ENOX1: variants seen among roughly 807,000 people sequenced by gnomAD.
ENOX1 encodes the protein candidate growth-related and time keeping constitutive hydroquinone (NADH) oxidase.
ENOX1 carries 42 observed loss-of-function variants against 82.5 expected under a neutral mutation model. The ratio of observed to expected loss-of-function variants is 0.51; its 90% CI spans 0.40 to 0.66. The LOEUF (loss-of-function observed/expected upper bound fraction) is 0.66. Ranked by LOEUF, ENOX1 falls within the 30% of genes least tolerant of loss-of-function variation. The probability of loss-of-function intolerance (pLI) is 0.00; values close to 1 mark genes in which losing one functional copy is unlikely to be tolerated. For missense variants in ENOX1, 608 were observed against 811.6 expected, an observed-to-expected ratio of 0.75 and a Z score of 3.05; for synonymous variants, 271 against 282.2, an observed-to-expected ratio of 0.96 and a Z score of 0.40.
At chr13:43,355,161 C>T (rs2050067592) in intron 8 of ENOX1, among the ~76,000 whole-genome samples, 1 of 152,206 alleles carries the variant, frequency 6.6e-6, no homozygotes, top group African/African-American at 2.4e-5. Context: ...GCTCAGCTCA[C>T]ACAACTTTGG....
chr13:43,777,025 A>G (rs1951958090), intron 1 of ENOX1, among the ~76,000 whole-genome samples: 1 of 152,216 alleles, frequency 6.6e-6, no homozygotes, highest in African/African-American at 2.4e-5. Context: ...TGCTGGTGAA[A>G]GGAAGAGGAG....
intron 10 of ENOX1, among the ~76,000 whole-genome samples, chr13:43,322,985 T>C (rs981797268): frequency 4.6e-5 from 7 of 152,224 alleles, no homozygotes; most frequent in Admixed American, 2.0e-4. Context: ...TGGAATATTA[T>C]GATTAAAAAT....
intron 2 of ENOX1, among the ~76,000 whole-genome samples, chr13:43,551,563 A>G (rs2079195919): frequency 6.6e-6 from 1 of 152,266 alleles, no homozygotes; most frequent in South Asian, 2.1e-4. Flanking sequence ...CTTAAAAGGT[A>G]CATTATAATT....
chr13:43,670,851 A>ACAC (rs1555356405), intron 1 of ENOX1, among the ~76,000 whole-genome samples: 1 of 150,216 alleles, frequency 6.7e-6, no homozygotes, highest in Non-Finnish European at 1.5e-5. Flanking sequence ...TCAAACAACA[A>ACAC]AACAACAACA....
chr13:43,468,302 C>T (rs2057829542), intron 3 of ENOX1, among the ~76,000 whole-genome samples: 1 of 151,842 alleles, frequency 6.6e-6, no homozygotes, highest in Non-Finnish European at 1.5e-5. Context: ...CTGCCTCAGT[C>T]TCCTAAATAG....
chr13:43,284,467 A>G (rs2045574924), intron 12 of ENOX1, among the ~76,000 whole-genome samples: 2 of 152,220 alleles, frequency 1.3e-5, no homozygotes, highest in African/African-American at 2.4e-5. Flanking sequence ...CTGGCCAACG[A>G]AAGCCACTCT....
At chr13:43,663,385 C>T (rs530043761) in intron 2 of ENOX1, among the ~76,000 whole-genome samples, 1 of 152,244 alleles carries the variant, frequency 6.6e-6, no homozygotes, top group South Asian at 2.1e-4. Flanking sequence ...CAGAAACATG[C>T]CCTGCCCCCT....
At chr13:43,750,977 C>A (rs576500273) in intron 1 of ENOX1, among the ~76,000 whole-genome samples, 1 of 152,280 alleles carries the variant, frequency 6.6e-6, no homozygotes, top group Admixed American at 6.5e-5. Context: ...TTCAGTGGCT[C>A]CCCTGGGCCT....
At chr13:43,525,200 C>T (rs2077935649) in intron 2 of ENOX1, among the ~76,000 whole-genome samples, 1 of 152,114 alleles carries the variant, frequency 6.6e-6, no homozygotes, top group Non-Finnish European at 1.5e-5. Context: ...TCATCACCAT[C>T]CATCCACGGA....
chr13:43,660,300 T>C (rs1287515422), intron 2 of ENOX1, among the ~76,000 whole-genome samples: 1 of 152,176 alleles, frequency 6.6e-6, no homozygotes, highest in Non-Finnish European at 1.5e-5. Flanking sequence ...CCTTTTAAAA[T>C]AAAAATCCCT....
At chr13:43,621,629 T>A (rs2082735513) in intron 2 of ENOX1, among the ~76,000 whole-genome samples, 1 of 152,242 alleles carries the variant, frequency 6.6e-6, no homozygotes. Flanking sequence ...CTGCTGTTAA[T>A]CTGATAGGTT....
intron 3 of ENOX1, among the ~76,000 whole-genome samples, chr13:43,449,221 GCA>G (rs1566249187): frequency 6.6e-6 from 1 of 152,134 alleles, no homozygotes; most frequent in East Asian, 1.9e-4. Context: ...CTAAGCAGAC[GCA>G]AACACTGTTT....
At chr13:43,398,760 G>T (rs1391787851) in intron 5 of ENOX1, among the ~76,000 whole-genome samples, 1 of 150,056 alleles carries the variant, frequency 6.7e-6, no homozygotes, top group Admixed American at 6.7e-5. Context: ...ATCCACTTCT[G>T]CTTGATGAAT....
chr13:43,692,664 G>A (rs1459621944), intron 1 of ENOX1, among the ~76,000 whole-genome samples: 4 of 151,928 alleles, frequency 2.6e-5, no homozygotes, highest in Admixed American at 6.6e-5. Flanking sequence ...GACATGAACA[G>A]GCATACAAAT....
At chr13:43,271,358 A>T (rs1310624466) in intron 12 of ENOX1, among the ~76,000 whole-genome samples, 1 of 152,150 alleles carries the variant, frequency 6.6e-6, no homozygotes, top group Non-Finnish European at 1.5e-5. Context: ...ACTGCTCAGC[A>T]AAAAATACAT....
chr13:43,721,458 A>G (rs1384796150), intron 1 of ENOX1, among the ~76,000 whole-genome samples: 1 of 133,492 alleles, frequency 7.5e-6, no homozygotes, highest in Non-Finnish European at 1.5e-5. Flanking sequence ...GGCTCACTGC[A>G]AGCTCCGCCT....
chr13:43,416,190 C>T (rs1183418744), intron 3 of ENOX1, among the ~76,000 whole-genome samples: 19 of 38,080 alleles, frequency 5.0e-4, no homozygotes, highest in East Asian at 1.6e-3. Flanking sequence ...GCGCTCCTCA[C>T]ATCCCAGACG....
intron 2 of ENOX1, among the ~76,000 whole-genome samples, chr13:43,550,642 G>T (rs1335226371): frequency 6.6e-6 from 1 of 152,130 alleles, no homozygotes; most frequent in Non-Finnish European, 1.5e-5. Context: ...CTCTGAGAGG[G>T]TTAAATTATT....
chr13:43,485,327 A>T (rs963793028), intron 2 of ENOX1, among the ~76,000 whole-genome samples: 1 of 152,188 alleles, frequency 6.6e-6, no homozygotes, highest in South Asian at 2.1e-4. Context: ...ATGCTTCAAC[A>T]CATCCCTTGA....
Sources: gnomAD v4.1 joint callset for allele counts (sites outside exome capture counted in the v4.1 genomes callset) on GRCh38, gnomAD v4.1.1 for gene constraint, MANE v1.5 for transcripts, NCBI Gene and HGNC (gene_info 2026-07-23, HGNC 2026-07-21) for gene names.